Variants in JCAD observed in about 807,000 individuals in gnomAD.
JCAD encodes the protein junctional cadherin 5-associated protein.
A neutral mutation model predicts 98.0 loss-of-function variants in JCAD; 40 were observed. The ratio of observed to expected loss-of-function variants is 0.41; its 90% CI spans 0.32 to 0.53. The LOEUF is 0.53. JCAD is among the 20% of genes least tolerant of loss of function. The pLI, the probability that JCAD is intolerant of heterozygous loss-of-function variation, is 0.31. For missense variants in JCAD, 1,705 were observed against 1,738.1 expected (o/e 0.98, Z 0.34); for synonymous variants, 691 against 682.3 (o/e 1.01, Z -0.20).
At chr10:30,085,817 A>G (rs1039598783) in intron 1 of JCAD, among the ~76,000 whole-genome samples, 1 of 152,202 alleles carries the variant, frequency 6.6e-6, no homozygotes. Context: ...GTAATGTCCA[A>G]TCCATGAACT....
At position 30,026,782 on chromosome 10, in the gene JCAD, C is replaced by T. The variant is rs1005609588; in HGVS notation, c.3366G>A (p.Glu1122=). Reference sequence around the variant, plus strand: ...GAGATAGCAACTCTTCCTGGGGGGACTCTGGGGTGCAGGCACTTGCATCGG... The same window carrying T: ...GAGATAGCAACTCTTCCTGGGGGGATTCTGGGGTGCAGGCACTTGCATCGG... ...AEPDASACTP[E]SPQEELLSRP... Residue 1122 remains glutamate, a synonymous_variant, in exon 3 of 4, where the codon GAG becomes GAA. Transcript: ENST00000375377. 1 of 1,614,028 alleles carries T rather than the reference C, an allele frequency of 6.2e-7. No homozygotes were observed. Among genetic ancestry groups the T allele is most frequent in the African/African-American group, 1.3e-5 (1 of 74,940 alleles).
intron 3 of JCAD, among the ~76,000 whole-genome samples, chr10:30,024,219 A>G (rs1274006425): frequency 6.6e-6 from 1 of 152,242 alleles, no homozygotes; most frequent in African/African-American, 2.4e-5. Context: ...ACTGAGACAC[A>G]GAAATATTTA....
chr10:30,023,507 T>C (rs1836711425), intron 3 of JCAD, among the ~76,000 whole-genome samples: 1 of 152,182 alleles, frequency 6.6e-6, no homozygotes, highest in Admixed American at 6.5e-5. Context: ...TTTGTAGAAG[T>C]GCACTCTCTA....
At chr10:30,048,103 C>T (rs537645081) in intron 1 of JCAD, among the ~76,000 whole-genome samples, 1 of 152,184 alleles carries the variant, frequency 6.6e-6, no homozygotes, top group Non-Finnish European at 1.5e-5. Context: ...ACCCTGAGGA[C>T]CTCACCCTTC....
Position 30,017,102 on chromosome 10 carries a change from T to C in JCAD, c.*781A>G, listed in dbSNP as rs933437600. 6.6e-6 allele frequency: 1 copy of C among 152,176 alleles called. No individual in the cohort carries two copies. The highest frequency in any genetic ancestry group is 2.4e-5 in the African/African-American group (1 of 41,454). 9.4% of individuals were successfully genotyped at this position (152,176 alleles called of 1,614,324 possible). ...AAGAAATATAGTCACTTTGTTAAAA[T>C]GGTCTATTTTAAACCAGCAATTATT... On this transcript the variant is annotated 3_prime_UTR_variant, in exon 4 of 4. Coordinates refer to ENST00000375377, the MANE Select transcript of JCAD (RefSeq NM_020848.4).
At chr10:30,029,994 C>A (rs1312673502) in intron 2 of JCAD, 128 bp from the exon 3 acceptor site, 2 of 1,077,560 alleles carry the variant, frequency 1.9e-6, no homozygotes, top group Non-Finnish European at 2.6e-6. Context: ...ACAGTACTTG[C>A]CAGCTTGAAA....
Position 30,027,223 on chromosome 10 carries a change from C to T in JCAD, c.2925G>A (p.Val975=), listed in dbSNP as rs757656250. 1 of 1,614,206 alleles carries T rather than the reference C, an allele frequency of 6.2e-7. No individual in the cohort carries two copies. The highest frequency in any genetic ancestry group is 1.3e-5 in the African/African-American group (1 of 75,066). ...MDELAGSPFP[V]TRMSSRSSDA... ...CACTTGATCTTGAAGACATTCTCGTCACAGGAAATGGGCTACCTGCCAGCT... is the reference window on the plus strand; with the variant it reads ...CACTTGATCTTGAAGACATTCTCGTTACAGGAAATGGGCTACCTGCCAGCT... Residue 975 remains valine, a synonymous_variant, in exon 3 of 4, where the codon GTG becomes GTA. Transcript: ENST00000375377.
chr10:30,044,863 C>G (rs555550083), intron 2 of JCAD: 6 of 899,972 alleles, frequency 6.7e-6, no homozygotes, highest in Non-Finnish European at 8.0e-6. Context: ...ACCCAGGGAA[C>G]CTTGCAGCCA....
upstream of JCAD, among the ~76,000 whole-genome samples, chr10:30,063,830 TG>T (rs1474093943): frequency 6.6e-6 from 1 of 151,752 alleles, no homozygotes; most frequent in Non-Finnish European, 1.5e-5. Context: ...TTTTTCAAGA[TG>T]GAGTCTTGCT....
At chr10:30,073,438 G>A (rs984547229) in intron 1 of JCAD, among the ~76,000 whole-genome samples, 3 of 152,180 alleles carry the variant, frequency 2.0e-5, no homozygotes, top group South Asian at 2.1e-4. Context: ...AAAGCACCTC[G>A]AACATCATGG....
chr10:30,104,399 G>A (rs889689335), intron 1 of JCAD, among the ~76,000 whole-genome samples: 5 of 152,228 alleles, frequency 3.3e-5, no homozygotes, highest in Non-Finnish European at 7.3e-5. Context: ...GCAGCCATAA[G>A]AAAGAATGAA....
In JCAD at chr10:30,029,665, C is replaced by G; in HGVS notation, c.483G>C (p.Glu161Asp). ...EGPWEVGGRSEHVMKKPVWEE... is the reference protein window; with the variant it reads ...EGPWEVGGRSDHVMKKPVWEE... Reference sequence around the variant, plus strand: ...CCCAAACTGGCTTCTTCATCACATGCTCTGACCTTCCTCCAACTTCCCATG... The same window carrying G: ...CCCAAACTGGCTTCTTCATCACATGGTCTGACCTTCCTCCAACTTCCCATG... The change falls in exon 3 of 4, where the codon GAG becomes GAC. Residue 161 changes from glutamate (E) to aspartate (D), a missense_variant. Glu to Asp is a conservative substitution (Grantham distance 45, BLOSUM62 2). Around this residue, in one of 3 missense-constraint regions of JCAD, gnomAD observed 275 missense variants for 346.9 expected, o/e 0.79. Transcript: ENST00000375377. 1 of 1,614,248 alleles carries G rather than the reference C, an allele frequency of 6.2e-7. No individual in the cohort carries two copies. Among genetic ancestry groups the G allele is most frequent in the Non-Finnish European group, 8.5e-7 (1 of 1,180,052 alleles).
chr10:30,114,835 A>ATAGATAGATAGAT (rs1838764542), intron 1 of JCAD, among the ~76,000 whole-genome samples: 1 of 151,770 alleles, frequency 6.6e-6, no homozygotes, highest in African/African-American at 2.4e-5. Context: ...GAATAGATAG[A>ATAGATAGATAGAT]TAGATAGATA....
chr10:30,060,437 A>C (rs1837678818), upstream of JCAD, among the ~76,000 whole-genome samples: 1 of 152,222 alleles, frequency 6.6e-6, no homozygotes, highest in Non-Finnish European at 1.5e-5. Flanking sequence ...GGGAAGGGGC[A>C]GAAAGATTAG....
chr10:30,054,702 G>A (rs1837532904), intron 1 of JCAD, among the ~76,000 whole-genome samples: 1 of 148,292 alleles, frequency 6.7e-6, no homozygotes, highest in Admixed American at 6.7e-5. Flanking sequence ...ACGGAGTCTC[G>A]CTGTCGCCCA....
chr10:30,051,256 A>ACACGCACACACG (rs997741729), intron 1 of JCAD, among the ~76,000 whole-genome samples: 2 of 140,400 alleles, frequency 1.4e-5, no homozygotes, highest in African/African-American at 2.7e-5. Context: ...CTCACACACC[A>ACACGCACACACG]CACGCACACA....
chr10:30,055,713 T>A (rs1413735318), intron 1 of JCAD, among the ~76,000 whole-genome samples: 1 of 152,212 alleles, frequency 6.6e-6, no homozygotes, highest in Non-Finnish European at 1.5e-5. Flanking sequence ...ATCCTTAGGT[T>A]TCTTTAAGGT....
chr10:30,070,755 C>T (rs1473234433), intron 1 of JCAD, among the ~76,000 whole-genome samples: 2 of 152,164 alleles, frequency 1.3e-5, no homozygotes, highest in Admixed American at 1.3e-4. Context: ...AAAACCAATA[C>T]CTTTTTAAAA....
intron 3 of JCAD, among the ~76,000 whole-genome samples, chr10:30,022,056 C>T (rs1174172749): frequency 1.3e-5 from 2 of 152,162 alleles, no homozygotes; most frequent in Non-Finnish European, 2.9e-5. Flanking sequence ...GTTCTGTGTA[C>T]GATCAATGCC....
Sources: gnomAD v4.1 joint callset for allele counts (sites outside exome capture counted in the v4.1 genomes callset) on GRCh38, gnomAD v4.1.1 for gene constraint, gnomAD v4.1.1 regional missense constraint, MANE v1.5 for transcripts, NCBI Gene and HGNC (gene_info 2026-07-23, HGNC 2026-07-21) for gene names.